TTC38: variants seen among roughly 807,000 people sequenced by gnomAD.
TTC38 encodes the protein tetratricopeptide repeat protein 38.
Under a neutral mutation model 64.2 loss-of-function variants are expected in TTC38, and 64 were observed. That is an observed-to-expected ratio of 1.00 (90% confidence interval 0.81 to 1.23). The LOEUF (loss-of-function observed/expected upper bound fraction) is 1.23. Ranked by LOEUF, TTC38 falls within the 50% of genes most tolerant of loss-of-function variation. TTC38 has a pLI of 0.00. For missense variants in TTC38, 573 were observed against 615.5 expected (o/e 0.93, Z 0.73); for synonymous variants, 254 against 249.3 (o/e 1.02, Z -0.18).
At chr22:46,286,201 G>A (rs923022518) in intron 9 of TTC38, among the ~76,000 whole-genome samples, 4 of 151,496 alleles carry the variant, frequency 2.6e-5, no homozygotes, top group Non-Finnish European at 5.9e-5. Context: ...AAAAAAAAAA[G>A]CCTGAAGCCT....
In TTC38 at chr22:46,272,249, C is replaced by T. The variant is rs539397972; in HGVS notation, c.112-86C>T. 1.0e-4 allele frequency: 118 copies of T among 1,168,468 alleles called. No homozygotes were observed. The African/African-American group carries it at 1.6e-3, about 16-fold the overall frequency. The allele number at this position is 1,168,468 out of a possible 1,614,324, so 72.4% of individuals were successfully genotyped here. A position where few individuals can be genotyped will look rare whatever the true frequency, so the allele number is the denominator to read the frequency against. On this transcript the variant is annotated intron_variant, in intron 2 of 13. Coordinates refer to ENST00000381031, the MANE Select transcript of TTC38 (RefSeq NM_017931.4). The surrounding 1 kb of genome is among the most constrained non-coding windows in gnomAD (Gnocchi z 6.4). ...CAGATGTTCTGCCCGCCTCGGCCTC[C>T]CAAAGTGTAAACCTGGATTTAGAGC...
Position 46,272,672 on chromosome 22 carries a change from A to T in TTC38, c.193+256A>T, listed in dbSNP as rs1196801536. The stretch of plus-strand genomic sequence containing the variant: ...AATTACCATCAATTCGGGAATGAAG[A>T]TGCTGATCTCATTTCTCAGATGAGG... On this transcript the variant is annotated intron_variant, in intron 3 of 13. Coordinates refer to ENST00000381031, the MANE Select transcript of TTC38 (RefSeq NM_017931.4). This position sits in a 1 kb window ranked among gnomAD's most constrained non-coding sequence, Gnocchi z 6.4. Among the ~76,000 whole-genome samples the T allele has an allele frequency of 2.0e-5, 3 of 152,232 alleles. No homozygotes were observed. The highest frequency in any genetic ancestry group is 6.5e-5 in the Admixed American group (1 of 15,276).
intron 8 of TTC38, 100 bp from the exon 9 acceptor site, chr22:46,285,141 C>G (rs373082767): frequency 1.6e-5 from 16 of 1,028,840 alleles, no homozygotes; most frequent in East Asian, 9.6e-5. Flanking sequence ...GGCCGGAGAC[C>G]ATGTGCTCAG....
In TTC38 at chr22:46,272,760, G is replaced by T. The variant is rs1031366730; in HGVS notation, c.193+344G>T. Among the ~76,000 whole-genome samples, 8 of 152,152 alleles carry T rather than the reference G, an allele frequency of 5.3e-5. No individual in the cohort carries two copies. Among genetic ancestry groups the T allele is most frequent in the Non-Finnish European group, 1.2e-4 (8 of 68,030 alleles). On this transcript the variant is annotated intron_variant, in intron 3 of 13. Coordinates refer to ENST00000381031, the MANE Select transcript of TTC38 (RefSeq NM_017931.4). This position sits in a 1 kb window ranked among gnomAD's most constrained non-coding sequence, Gnocchi z 6.4. ...CCACCCAGCTGGTGGTTGACCCCTG[G>T]GATTAGATAAAGCTTCCTGAATCCA...
rs1396714229 is a variant in TTC38, at chr22:46,291,390, CA to C, written c.1317-1400del. Among the ~76,000 whole-genome samples, 2 of 151,930 alleles carry C rather than the reference CA, an allele frequency of 1.3e-5. No individual in the cohort carries two copies. Among genetic ancestry groups the C allele is most frequent in the Non-Finnish European group, 2.9e-5 (2 of 67,978 alleles). On this transcript the variant is annotated intron_variant, in intron 13 of 13. Coordinates refer to ENST00000381031, the MANE Select transcript of TTC38 (RefSeq NM_017931.4). The surrounding 1 kb of genome is among the most constrained non-coding windows in gnomAD (Gnocchi z 4.6). ...TTCTGCGGGGCCCAGTGGGGGAGGG[CA>C]GGGGGAGAGCAGGCTGCACAGGGAG... is the stretch of plus-strand genomic sequence containing the variant.
rs1310837429 is a variant in TTC38, at chr22:46,291,991, G to A, written c.1317-800G>A. Among the ~76,000 whole-genome samples, 1 of 152,102 alleles carries A rather than the reference G, an allele frequency of 6.6e-6. No homozygotes were observed. The highest frequency in any genetic ancestry group is 1.9e-4 in the East Asian group (1 of 5,182). On this transcript the variant is annotated intron_variant, in intron 13 of 13. Transcript: ENST00000381031. The surrounding 1 kb of genome is among the most constrained non-coding windows in gnomAD (Gnocchi z 4.6). ...AAAATAAAAGTGCCACAGTCTGGGCGGCTTGCACAGTAGGCATGCACTGTC... is the reference window on the plus strand; with the variant it reads ...AAAATAAAAGTGCCACAGTCTGGGCAGCTTGCACAGTAGGCATGCACTGTC...
Position 46,276,824 on chromosome 22 carries a change from A to AATATATATATATATATATATAAACATAT in TTC38, c.539+1420_539+1421insTATAAACATATATATATATATATATATA, listed in dbSNP as rs57859102. On this transcript the variant is annotated intron_variant, in intron 5 of 13. Coordinates refer to ENST00000381031, the MANE Select transcript of TTC38 (RefSeq NM_017931.4). This position sits in a 1 kb window ranked among gnomAD's most constrained non-coding sequence, Gnocchi z 4.7. Reference sequence around the variant, plus strand: ...ATTATATATTAAAATATATATATTAAATATATATATATATATAAACATATA... The same window carrying AATATATATATATATATATATAAACATAT: ...ATTATATATTAAAATATATATATTAAATATATATATATATATATATAAACATATATATATATATATATATAAACATATA... 7.2e-6 allele frequency among the ~76,000 whole-genome samples: 1 copy of AATATATATATATATATATATAAACATAT among 139,556 alleles called. No individual in the cohort carries two copies. Among genetic ancestry groups the AATATATATATATATATATATAAACATAT allele is most frequent in the African/African-American group, 2.8e-5 (1 of 36,132 alleles). The allele number at this position is 139,556 out of a possible 152,430, so 91.6% of individuals were successfully genotyped here. A position where few individuals can be genotyped will look rare whatever the true frequency, so the allele number is the denominator to read the frequency against.
rs1268079846 is a variant in TTC38 at position 46,282,338 on chromosome 22, C to A, written c.735+620C>A. On this transcript the variant is annotated intron_variant, in intron 7 of 13. Transcript: ENST00000381031. The surrounding 1 kb of genome is among the most constrained non-coding windows in gnomAD (Gnocchi z 4.4). ...TGTCAGTCCCTCTTTCCAGGGGAGG[C>A]AAGGTGGTGTCCAGGCAGAGGCAGA... Among the ~76,000 whole-genome samples the A allele has an allele frequency of 6.6e-6, 1 of 152,102 alleles. No homozygotes were observed. Among genetic ancestry groups the A allele is most frequent in the Non-Finnish European group, 1.5e-5 (1 of 68,018 alleles).
In TTC38 at chr22:46,289,531, G is replaced by C; in HGVS notation, c.1212G>C (p.Arg404=). ...VLELLLPIRY[R]IVQLGGSNAQ... ...AGCTGCTCCTGCCCATCCGCTACCG[G>C]ATCGTCCAGCTCGGTGGGAGCAATG... The change falls in exon 12 of 14, where the codon CGG becomes CGC. Residue 404 remains arginine (R), a synonymous_variant. Coordinates refer to ENST00000381031, the MANE Select transcript of TTC38 (RefSeq NM_017931.4). 6.2e-7 allele frequency: 1 copy of C among 1,603,158 alleles called. No homozygotes were observed.
chr22:46,284,083 G>A, intron 8 of TTC38, 51 bp downstream of exon 8: 1 of 1,484,224 alleles, frequency 6.7e-7, no homozygotes, highest in Non-Finnish European at 9.2e-7. Context: ...ATGTCTAGAG[G>A]GAGAAAGATT....
rs758873008 is a variant in TTC38 at position 46,289,812 on chromosome 22, G to T, written c.1243-14G>T. On this transcript the variant is annotated splice_polypyrimidine_tract_variant and intron_variant, in intron 12 of 13. Transcript: ENST00000381031. Reference sequence around the variant, plus strand: ...TGAGGTACAGGAGACTCACATGCCCGATTGACATTTCAGAGAGACGTCTTC... The same window carrying T: ...TGAGGTACAGGAGACTCACATGCCCTATTGACATTTCAGAGAGACGTCTTC... The T allele has an allele frequency of 5.5e-5, 88 of 1,614,070 alleles. 2 individuals carry two copies. In the South Asian group the frequency reaches 6.0e-4, roughly 11 times the overall value.
chr22:46,272,562 G>T lies in TTC38; in HGVS notation c.193+146G>T. ...GCATTTGCACAGAGGGAGAGAAGAT[G>T]ACAGCTGCCTTTGTGTCTGGAAAAA... is the stretch of plus-strand genomic sequence containing the variant. On this transcript the variant is annotated intron_variant, in intron 3 of 13. Transcript: ENST00000381031. This position sits in a 1 kb window ranked among gnomAD's most constrained non-coding sequence, Gnocchi z 6.4. 1 of 629,292 alleles carries T rather than the reference G, an allele frequency of 1.6e-6. No individual in the cohort carries two copies. The highest frequency in any genetic ancestry group is 1.9e-5 in the South Asian group (1 of 53,138). The allele number at this position is 629,292 out of a possible 1,614,324, so 39.0% of individuals were successfully genotyped here.
At position 46,283,951 on chromosome 22, in the gene TTC38, CTCTTT is replaced by C. The variant is rs2077553136; in HGVS notation, c.736-20_736-16del. On this transcript the variant is annotated splice_polypyrimidine_tract_variant and intron_variant, in intron 7 of 13. Transcript: ENST00000381031. ...TAGGCCTTCAGACTTTTCATAAATT[CTCTTT>C]TTTTTTTTTTCTCCAGGACTCTGAT... The C allele has an allele frequency of 6.9e-7, 1 of 1,444,724 alleles. No homozygotes were observed. Among genetic ancestry groups the C allele is most frequent in the Non-Finnish European group, 9.3e-7 (1 of 1,080,940 alleles). 89.5% of individuals were successfully genotyped at this position (1,444,724 alleles called of 1,614,324 possible). A position where few individuals can be genotyped will look rare whatever the true frequency, so the allele number is the denominator to read the frequency against.
rs1936816702 is a variant in TTC38 at position 46,268,595 on chromosome 22, T to C, written c.111+4T>C. 6.2e-7 allele frequency: 1 copy of C among 1,613,684 alleles called. No homozygotes were observed. Among genetic ancestry groups the C allele is most frequent in the African/African-American group, 1.3e-5 (1 of 74,948 alleles). On this transcript the variant is annotated splice_donor_region_variant and intron_variant, in intron 2 of 13. Coordinates refer to ENST00000381031, the MANE Select transcript of TTC38 (RefSeq NM_017931.4). ...GTTCGATGCCACGCTGACCCAGGTA[T>C]GCCTGCCGAGAGAGGCCGCGGCCCC...
At position 46,268,510 on chromosome 22, in the gene TTC38, G is replaced by A. The variant is rs751615966; in HGVS notation, c.34-4G>A. ...CACTGCTATTCCCTTCTTGCCGTCTGTAGGCCTGGAAGGATGCGAGGCTCC... is the reference window on the plus strand; with the variant it reads ...CACTGCTATTCCCTTCTTGCCGTCTATAGGCCTGGAAGGATGCGAGGCTCC... On this transcript the variant is annotated splice_polypyrimidine_tract_variant and splice_region_variant and intron_variant, in intron 1 of 13. Coordinates refer to ENST00000381031, the MANE Select transcript of TTC38 (RefSeq NM_017931.4). The A allele has an allele frequency of 6.2e-7, 1 of 1,614,100 alleles. No individual in the cohort carries two copies. Among genetic ancestry groups the A allele is most frequent in the South Asian group, 1.1e-5 (1 of 91,076 alleles).
rs573736869 is a variant in TTC38 at position 46,286,014 on chromosome 22, C to CAAAAAAAAAA, written c.834+743_834+752dup. On this transcript the variant is annotated intron_variant, in intron 9 of 13. Transcript: ENST00000381031. ...TGGGTGACAGAGTGAGACTCTGTCT[C>CAAAAAAAAAA]AAAAAAAAAAAAAAAAAGTGTATAG... 1.7e-3 allele frequency among the ~76,000 whole-genome samples: 126 copies of CAAAAAAAAAA among 73,956 alleles called. 5 individuals are homozygous for CAAAAAAAAAA. The highest frequency in any genetic ancestry group is 6.5e-3 in the African/African-American group (120 of 18,342). The allele number at this position is 73,956 out of a possible 152,430, so 48.5% of individuals were successfully genotyped here.
intron 11 of TTC38, 58 bp downstream of exon 11, chr22:46,288,646 G>A: frequency 7.1e-6 from 11 of 1,553,622 alleles, no homozygotes; most frequent in South Asian, 5.9e-5. Context: ...GGGTGAGGGG[G>A]TGCTAGGGCC....
In TTC38 at chr22:46,292,752, G is replaced by A; in HGVS notation, c.1317-39G>A. 1 of 1,569,582 alleles carries A rather than the reference G, an allele frequency of 6.4e-7. No individual in the cohort carries two copies. Among genetic ancestry groups the A allele is most frequent in the Non-Finnish European group, 8.8e-7 (1 of 1,140,258 alleles). ...GACCACCAGGCCCCACATCCCTCTAGAAGGTTCTGTAACAGGACCTCTGTG... is the reference window on the plus strand; with the variant it reads ...GACCACCAGGCCCCACATCCCTCTAAAAGGTTCTGTAACAGGACCTCTGTG... On this transcript the variant is annotated intron_variant, in intron 13 of 13. Transcript: ENST00000381031. The surrounding 1 kb of genome is among the most constrained non-coding windows in gnomAD (Gnocchi z 6.5).
At position 46,271,083 on chromosome 22, in the gene TTC38, CTAAAA is replaced by C. The variant is rs1428821363; in HGVS notation, c.112-1247_112-1243del. ...TCAGCTTTTGTGTCTTTCTAACTCT[CTAAAA>C]TAAATGTTTTCTGTGAATATTTTTA... On this transcript the variant is annotated intron_variant, in intron 2 of 13. Coordinates refer to ENST00000381031, the MANE Select transcript of TTC38 (RefSeq NM_017931.4). This position sits in a 1 kb window ranked among gnomAD's most constrained non-coding sequence, Gnocchi z 5.5. Among the ~76,000 whole-genome samples the C allele has an allele frequency of 6.6e-6, 1 of 152,098 alleles. No homozygotes were observed. Among genetic ancestry groups the C allele is most frequent in the Non-Finnish European group, 1.5e-5 (1 of 68,030 alleles).
Sources: gnomAD v4.1 joint callset for allele counts (sites outside exome capture counted in the v4.1 genomes callset) on GRCh38, gnomAD v4.1.1 for gene constraint, Gnocchi (gnomAD v3.1) non-coding constraint, MANE v1.5 for transcripts, NCBI Gene and HGNC (gene_info 2026-07-23, HGNC 2026-07-21) for gene names.